PFKFB3: variants seen among roughly 807,000 people sequenced by gnomAD.
The protein encoded by PFKFB3 is 6-phosphofructo-2-kinase/fructose-2,6-bisphosphatase 3.
PFKFB3 carries 33 observed loss-of-function variants against 68.0 expected under a neutral mutation model. The ratio of observed to expected loss-of-function variants is 0.49; its 90% CI spans 0.37 to 0.65. The LOEUF (loss-of-function observed/expected upper bound fraction) is 0.65. Among genes scored for constraint, PFKFB3 ranks in the 30% least tolerant of loss-of-function variants. The pLI, the probability that PFKFB3 is intolerant of heterozygous loss-of-function variation, is 0.00. For synonymous variants in PFKFB3, 315 were observed against 288.2 expected (o/e 1.09, Z -0.94); for missense variants, 586 against 712.2 (o/e 0.82, Z 2.02).
chr10:6,222,813 C>T (rs768109630), intron 10 of PFKFB3, 42 bp from the exon 11 acceptor site: 18 of 1,578,166 alleles, frequency 1.1e-5, no homozygotes, highest in Admixed American at 8.8e-5. Context: ...GAGCCCCTCC[C>T]GAGTGCCCTG....
the PFKFB3 span, among the ~76,000 whole-genome samples, chr10:6,300,894 G>A: frequency 6.6e-6 from 1 of 152,164 alleles, no homozygotes; most frequent in Admixed American, 6.6e-5. Flanking sequence ...TAATTACGCA[G>A]GATTTGAAAG....
At chr10:6,253,769 C>A (rs116885721) in intron 14 of PFKFB3, among the ~76,000 whole-genome samples, 1 of 152,036 alleles carries the variant, frequency 6.6e-6, no homozygotes, top group Non-Finnish European at 1.5e-5. Context: ...TGGCTGGGCA[C>A]GGTGGCTCAC....
the PFKFB3 span, among the ~76,000 whole-genome samples, chr10:6,281,205 T>C: frequency 2.2e-5 from 2 of 89,640 alleles, no homozygotes; most frequent in African/African-American, 6.6e-5. Context: ...CTTTATCCAC[T>C]CATTGACTGA....
chr10:6,223,934 G>A (rs1347864053), intron 11 of PFKFB3, 24 bp from the exon 12 acceptor site: 8 of 1,608,566 alleles, frequency 5.0e-6, no homozygotes, highest in South Asian at 4.4e-5. Flanking sequence ...ATTTCTAACT[G>A]TGGGTGTACA....
rs546312177 is a variant in PFKFB3 at position 6,145,496 on chromosome 10, G to GGACCCGGAGA, written c.16+493_16+502dup. 2.3e-3 allele frequency among the ~76,000 whole-genome samples: 349 copies of GGACCCGGAGA among 152,326 alleles called. 1 individual carries two copies. The highest frequency in any genetic ancestry group is 8.1e-3 in the African/African-American group (338 of 41,566). ...CGGGCCGCAGATATACCAGGGCTCC[G>GGACCCGGAGA]GACCCGGAGAGACCCGGAGGGCGGC... is the stretch of plus-strand genomic sequence containing the variant. On this transcript the variant is annotated intron_variant, in intron 1 of 14. Coordinates refer to the PFKFB3 transcript ENST00000379789.
the PFKFB3 span, among the ~76,000 whole-genome samples, chr10:6,286,533 G>A: frequency 6.6e-5 from 10 of 151,902 alleles, no homozygotes; most frequent in African/African-American, 1.9e-4. Context: ...GTAGGCCACC[G>A]TGCCCAGTTA....
At chr10:6,157,409 G>C (rs1001352760) in intron 1 of PFKFB3, among the ~76,000 whole-genome samples, 23 of 152,122 alleles carry the variant, frequency 1.5e-4, no homozygotes, top group African/African-American at 5.5e-4. Flanking sequence ...TGTATTTTTA[G>C]TAGAGGCGGG....
chr10:6,281,774 C>G, the PFKFB3 span, among the ~76,000 whole-genome samples: 2 of 152,176 alleles, frequency 1.3e-5, no homozygotes, highest in East Asian at 3.9e-4. Flanking sequence ...CCAGGATCCT[C>G]CTAGGGAACT....
exon 15 of PFKFB3, chr10:6,254,442 T>C (rs1230916127): frequency 2.5e-6 from 1 of 398,308 alleles, no homozygotes; most frequent in African/African-American, 2.1e-5. Context: ...ATGCTGTGGT[T>C]ATGTGGGATT....
intron 1 of PFKFB3, among the ~76,000 whole-genome samples, chr10:6,173,925 G>T (rs1842384260): frequency 6.6e-6 from 1 of 152,088 alleles, no homozygotes; most frequent in African/African-American, 2.4e-5. Context: ...CGGGAGGCGG[G>T]GAGGAAGAGA....
the PFKFB3 span, among the ~76,000 whole-genome samples, chr10:6,262,414 C>T: frequency 7.3e-5 from 10 of 136,868 alleles, no homozygotes; most frequent in African/African-American, 2.5e-4. Context: ...GAGATCACAC[C>T]ACTGCACTCC....
intron 14 of PFKFB3, among the ~76,000 whole-genome samples, chr10:6,253,108 C>T (rs1213775146): frequency 6.6e-6 from 1 of 152,078 alleles, no homozygotes; most frequent in East Asian, 1.9e-4. Flanking sequence ...TTAGTAGAGA[C>T]GGGGTTTCAC....
the PFKFB3 span, among the ~76,000 whole-genome samples, chr10:6,285,963 C>CTTTT: frequency 6.7e-6 from 1 of 148,446 alleles, no homozygotes. Flanking sequence ...TGTTGACCAT[C>CTTTT]CTTTCACTGT....
At chr10:6,227,427 C>T (rs571507612) in intron 14 of PFKFB3, among the ~76,000 whole-genome samples, 36 of 152,302 alleles carry the variant, frequency 2.4e-4, no homozygotes, top group Admixed American at 1.7e-3. Flanking sequence ...CACCTCTTCC[C>T]GCCTTTTCCG....
At chr10:6,153,700 CAA>C (rs1381583641) in intron 1 of PFKFB3, among the ~76,000 whole-genome samples, 1 of 151,940 alleles carries the variant, frequency 6.6e-6, no homozygotes, top group Non-Finnish European at 1.5e-5. Context: ...ACTGAAAATA[CAA>C]AAATTAGCTG....
chr10:6,145,026 G>T (rs1841329811), intron 1 of PFKFB3: 2 of 1,336,806 alleles, frequency 1.5e-6, no homozygotes, highest in African/African-American at 3.1e-5. Flanking sequence ...AGGAGTCCCG[G>T]TGACGCGGCC....
intron 1 of PFKFB3, among the ~76,000 whole-genome samples, chr10:6,157,781 T>G (rs897599716): frequency 1.3e-5 from 2 of 152,228 alleles, no homozygotes; most frequent in African/African-American, 4.8e-5. Context: ...GACTGCTTTA[T>G]AGGAAATGGA....
At chr10:6,231,667 C>T (rs910220357) in intron 14 of PFKFB3, 14 of 854,032 alleles carry the variant, frequency 1.6e-5, no homozygotes, top group South Asian at 5.3e-5. Context: ...TCCCACAGCC[C>T]GGCTGGGGCT....
chr10:6,168,811 G>A (rs754123966), intron 1 of PFKFB3, among the ~76,000 whole-genome samples: 2 of 152,228 alleles, frequency 1.3e-5, no homozygotes, highest in African/African-American at 2.4e-5. Flanking sequence ...GTGAATGTGC[G>A]CGACAGGAGC....
Sources: gnomAD v4.1 joint callset for allele counts (sites outside exome capture counted in the v4.1 genomes callset) on GRCh38, gnomAD v4.1.1 for gene constraint, MANE v1.5 for transcripts, NCBI Gene and HGNC (gene_info 2026-07-23, HGNC 2026-07-21) for gene names.